The following RARB variants were observed in gnomAD, a reference collection of about 807,000 sequenced individuals.
RARB encodes the protein HBV-activated protein.
In RARB, 17 loss-of-function variants were observed where a neutral mutation model predicts 51.9. The ratio of observed to expected loss-of-function variants is 0.33; its 90% CI spans 0.22 to 0.49. RARB has a LOEUF of 0.49. Ranked by LOEUF, RARB falls within the 20% of genes least tolerant of loss-of-function variation. The pLI, the probability that RARB is intolerant of heterozygous loss-of-function variation, is 0.99. For missense variants in RARB, 369 were observed against 550.8 expected (o/e 0.67, Z 3.30); for synonymous variants, 215 against 195.4 (o/e 1.10, Z -0.84).
intron 1 of RARB, among the ~76,000 whole-genome samples, chr3:25,445,081 C>A (rs1005982399): frequency 6.6e-6 from 1 of 152,010 alleles, no homozygotes; most frequent in Non-Finnish European, 1.5e-5. Context: ...TCCTGAGTAG[C>A]TGGGATTACA....
At chr3:24,971,877 A>G (rs866403951) in intron 2 of RARB, among the ~76,000 whole-genome samples, 9 of 151,932 alleles carry the variant, frequency 5.9e-5, no homozygotes, top group Admixed American at 1.3e-4. Flanking sequence ...AAATATTTTT[A>G]TTTTTGTTAT....
At chr3:24,961,374 A>C (rs1696135381) in intron 2 of RARB, among the ~76,000 whole-genome samples, 1 of 152,176 alleles carries the variant, frequency 6.6e-6, no homozygotes, top group Admixed American at 6.5e-5. Context: ...TTTCACTGAA[A>C]TCTCCCTAAC....
intron 1 of RARB, among the ~76,000 whole-genome samples, chr3:24,843,579 G>A (rs1575032390): frequency 6.6e-6 from 1 of 151,982 alleles, no homozygotes; most frequent in South Asian, 2.1e-4. Context: ...TATATCTCCT[G>A]CCAGCCCACA....
intron 5 of RARB, among the ~76,000 whole-genome samples, chr3:25,359,564 G>T (rs184925698): frequency 1.6e-4 from 25 of 152,260 alleles, no homozygotes; most frequent in African/African-American, 6.0e-4. Flanking sequence ...TAATTGTGAT[G>T]TTAGAGTGTT....
At chr3:25,531,129 T>A (rs1327253664) in intron 3 of RARB, among the ~76,000 whole-genome samples, 1 of 152,134 alleles carries the variant, frequency 6.6e-6, no homozygotes, top group Non-Finnish European at 1.5e-5. Context: ...GAACTTAACC[T>A]GGGGAACTAT....
intron 4 of RARB, among the ~76,000 whole-genome samples, chr3:25,149,797 G>T (rs1489709868): frequency 6.6e-6 from 1 of 152,102 alleles, no homozygotes; most frequent in Non-Finnish European, 1.5e-5. Context: ...GTCATTCTTT[G>T]GCTACAACTG....
chr3:24,997,229 T>C (rs1208323805), intron 2 of RARB, among the ~76,000 whole-genome samples: 1 of 152,170 alleles, frequency 6.6e-6, no homozygotes, highest in African/African-American at 2.4e-5. Flanking sequence ...TTTGCTCGTT[T>C]TTATAGCTTT....
chr3:25,088,152 A>G (rs1315022743), intron 3 of RARB, among the ~76,000 whole-genome samples: 4 of 151,982 alleles, frequency 2.6e-5, no homozygotes, highest in Non-Finnish European at 5.9e-5. Flanking sequence ...GGATCAAAAC[A>G]TTATTTGGTG....
At chr3:24,995,651 T>C (rs765487886) in intron 2 of RARB, among the ~76,000 whole-genome samples, 3 of 152,084 alleles carry the variant, frequency 2.0e-5, no homozygotes, top group Admixed American at 6.6e-5. Context: ...TTTCCATCCC[T>C]AATTTGTTAA....
chr3:25,293,879 G>T (rs1322027867), intron 5 of RARB, among the ~76,000 whole-genome samples: 1 of 152,166 alleles, frequency 6.6e-6, no homozygotes, highest in African/African-American at 2.4e-5. Flanking sequence ...AGCCAAGAAT[G>T]CTGGAGCTCA....
intron 3 of RARB, among the ~76,000 whole-genome samples, chr3:25,079,870 A>T (rs1698956710): frequency 6.6e-6 from 1 of 152,152 alleles, no homozygotes; most frequent in Admixed American, 6.6e-5. Flanking sequence ...TAACAGGATT[A>T]TCCTGGCTGT....
intron 1 of RARB, among the ~76,000 whole-genome samples, chr3:24,843,945 G>A (rs1327155454): frequency 2.8e-5 from 4 of 144,698 alleles, no homozygotes; most frequent in African/African-American, 7.7e-5. Flanking sequence ...ACATTCTCTC[G>A]GCACTTGTAC....
chr3:25,168,694 C>T (rs1348625954), intron 4 of RARB, among the ~76,000 whole-genome samples: 2 of 151,960 alleles, frequency 1.3e-5, no homozygotes, highest in African/African-American at 4.8e-5. Context: ...GGATATCTTC[C>T]AGAAAAGAGA....
chr3:24,915,432 C>CCTCAG (rs1221414647), intron 2 of RARB, among the ~76,000 whole-genome samples: 53 of 152,248 alleles, frequency 3.5e-4, no homozygotes, highest in Admixed American at 1.2e-3. Context: ...CAGTATATCT[C>CCTCAG]AATTCTGAGG....
chr3:25,509,216 C>T (rs923294204), intron 3 of RARB, among the ~76,000 whole-genome samples: 7 of 152,160 alleles, frequency 4.6e-5, no homozygotes, highest in South Asian at 2.1e-4. Context: ...TTTTGCTTCA[C>T]GTGAAATGAA....
chr3:24,870,431 T>C (rs957004158), intron 2 of RARB, among the ~76,000 whole-genome samples: 10 of 152,126 alleles, frequency 6.6e-5, no homozygotes, highest in Non-Finnish European at 2.9e-5. Flanking sequence ...CTGTCATAAG[T>C]CAAATTTCTG....
intron 5 of RARB, among the ~76,000 whole-genome samples, chr3:25,363,400 T>A (rs1359015086): frequency 6.6e-6 from 1 of 152,168 alleles, no homozygotes; most frequent in Non-Finnish European, 1.5e-5. Flanking sequence ...ACGTAGCATG[T>A]CCAGAACTCA....
intron 5 of RARB, among the ~76,000 whole-genome samples, chr3:25,269,533 G>A (rs1184114118): frequency 6.6e-6 from 1 of 152,174 alleles, no homozygotes; most frequent in Non-Finnish European, 1.5e-5. Context: ...CTAACAGGAA[G>A]AGCTGCTTCT....
chr3:25,572,617 T>C (rs955643834), intron 4 of RARB, among the ~76,000 whole-genome samples: 24 of 152,162 alleles, frequency 1.6e-4, no homozygotes, highest in South Asian at 4.1e-4. Context: ...GCTGGGGCCA[T>C]TGGCGGCATC....
Sources: gnomAD v4.1 joint callset for allele counts (sites outside exome capture counted in the v4.1 genomes callset) on GRCh38, gnomAD v4.1.1 for gene constraint, MANE v1.5 for transcripts, NCBI Gene and HGNC (gene_info 2026-07-23, HGNC 2026-07-21) for gene names.